The following SYNE1 variants were observed in gnomAD, a reference collection of about 807,000 sequenced individuals.
SYNE1 encodes the protein spectrin repeat containing nuclear envelope protein 1.
SYNE1 carries 616 observed loss-of-function variants against 1,111.0 expected under a neutral mutation model. The observed-to-expected ratio is 0.55, with a 90% CI of 0.52 to 0.59. SYNE1 has a LOEUF of 0.59. Ranked by LOEUF, SYNE1 falls within the 20% of genes least tolerant of loss-of-function variation. The pLI is 0.00. For synonymous variants in SYNE1, 3,855 were observed against 3,825.8 expected, an observed-to-expected ratio of 1.01 and a Z score of -0.28; for missense variants, 10,006 against 10,417.0, an observed-to-expected ratio of 0.96 and a Z score of 1.72.
At chr6:152,415,942 T>C (rs780866078) in intron 41 of SYNE1, among the ~76,000 whole-genome samples, 20 of 152,138 alleles carry the variant, frequency 1.3e-4, no homozygotes, top group Non-Finnish European at 2.5e-4. Context: ...AATATGAAAT[T>C]ACAGAAACAG....
At chr6:152,381,438 G>T in intron 55 of SYNE1, 76 bp from the exon 56 acceptor site, 4 of 1,472,946 alleles carry the variant, frequency 2.7e-6, no homozygotes, top group Non-Finnish European at 3.8e-6. Context: ...TGTGTACACA[G>T]GGGGACCCTG....
intron 93 of SYNE1, among the ~76,000 whole-genome samples, chr6:152,295,005 A>G (rs1309071645): frequency 6.6e-6 from 1 of 152,196 alleles, no homozygotes; most frequent in Non-Finnish European, 1.5e-5. Context: ...CCTGAGTCTT[A>G]TTGAGAATCA....
At chr6:152,487,581 G>T (rs555016947) in intron 12 of SYNE1, among the ~76,000 whole-genome samples, 27 of 152,190 alleles carry the variant, frequency 1.8e-4, no homozygotes, top group Non-Finnish European at 3.7e-4. Context: ...TAGTCAGACT[G>T]GAGAAAAACA....
intron 130 of SYNE1, among the ~76,000 whole-genome samples, chr6:152,171,682 G>A (rs1472733423): frequency 2.0e-5 from 3 of 152,130 alleles, no homozygotes; most frequent in East Asian, 1.9e-4. Context: ...AGTGAGGAAC[G>A]CTTGTGTACT....
chr6:152,186,430 C>T (rs1262030066), intron 128 of SYNE1, among the ~76,000 whole-genome samples: 1 of 151,632 alleles, frequency 6.6e-6, no homozygotes, highest in Non-Finnish European at 1.5e-5. Flanking sequence ...GTGGCACATG[C>T]CTGTAATCTC....
At chr6:152,137,511 T>C (rs757344200) in intron 140 of SYNE1, among the ~76,000 whole-genome samples, 4 of 152,198 alleles carry the variant, frequency 2.6e-5, no homozygotes, top group Non-Finnish European at 5.9e-5. Context: ...CCAGTTAGGT[T>C]TGATTTCACA....
chr6:152,395,725 T>C (rs868593737), intron 50 of SYNE1, 54 bp from the exon 51 acceptor site: 2 of 1,583,720 alleles, frequency 1.3e-6, no homozygotes, highest in African/African-American at 2.7e-5. Context: ...TATGATAAAT[T>C]ACTTTTAATA....
intron 16 of SYNE1, among the ~76,000 whole-genome samples, chr6:152,468,607 ATTCTCT>A (rs1231431217): frequency 6.6e-6 from 1 of 152,172 alleles, no homozygotes; most frequent in Non-Finnish European, 1.5e-5. Context: ...TTGGATGTAC[ATTCTCT>A]TTCTCTAACA....
At chr6:152,544,555 A>AG (rs5880982) in intron 3 of SYNE1, among the ~76,000 whole-genome samples, 29,507 of 151,328 alleles carry the variant, frequency 0.19, 3,043 homozygotes, top group Middle Eastern at 0.32. Flanking sequence ...AAAAAAAAAA[A>AG]GGGTTCTGGC....
At chr6:152,378,217 A>G (rs1032852915) in intron 56 of SYNE1, among the ~76,000 whole-genome samples, 1 of 152,216 alleles carries the variant, frequency 6.6e-6, no homozygotes, top group Non-Finnish European at 1.5e-5. Flanking sequence ...CAAAAAAACA[A>G]AATAAATTAA....
intron 3 of SYNE1, among the ~76,000 whole-genome samples, chr6:152,624,001 T>C (rs551899795): frequency 2.4e-4 from 37 of 152,302 alleles, no homozygotes; most frequent in African/African-American, 8.4e-4. Flanking sequence ...TTAAGGTTTT[T>C]ATTACTCATA....
Position 152,352,354 on chromosome 6 carries a change from C to G in SYNE1, c.11254-1G>C. 6.2e-7 allele frequency: 1 copy of G among 1,613,680 alleles called. No individual in the cohort carries two copies. Among genetic ancestry groups the G allele is most frequent in the Non-Finnish European group, 8.5e-7 (1 of 1,179,912 alleles). On this transcript the variant is annotated splice_acceptor_variant, in intron 69 of 145. Coordinates refer to ENST00000367255, the MANE Select transcript of SYNE1 (RefSeq NM_182961.4). LOFTEE classifies it high-confidence loss of function. ...CTTTCTCCATGTCTTTGAGCAAAAC[C>G]TGAAAAAGAGAGTGAGTAGGAGCAA...
In SYNE1 at chr6:152,344,242, T is replaced by A. The variant is rs767485805; in HGVS notation, c.12079-15A>T. The A allele has an allele frequency of 2.7e-5, 43 of 1,614,010 alleles. No individual in the cohort carries two copies. Among genetic ancestry groups the A allele is most frequent in the Non-Finnish European group, 3.3e-5 (39 of 1,180,014 alleles). The stretch of plus-strand genomic sequence containing the variant: ...CTCTGGTACATCTGAGACAATACAA[T>A]CATGCTGAGATTATGAGAACTGCTT... On this transcript the variant is annotated splice_polypyrimidine_tract_variant and intron_variant, in intron 73 of 145. Coordinates refer to ENST00000367255, the MANE Select transcript of SYNE1 (RefSeq NM_182961.4).
intron 3 of SYNE1, among the ~76,000 whole-genome samples, chr6:152,608,927 G>C (rs1244216869): frequency 2.4e-5 from 3 of 127,448 alleles, no homozygotes; most frequent in African/African-American, 9.3e-5. Context: ...GCGAGACTCT[G>C]TGGCAAAAAA....
intron 72 of SYNE1, among the ~76,000 whole-genome samples, chr6:152,348,978 T>A (rs2096692549): frequency 1.3e-5 from 2 of 152,222 alleles, no homozygotes; most frequent in Non-Finnish European, 2.9e-5. Context: ...TGGGGTAGAC[T>A]ACCTTCTGGA....
At chr6:152,313,336 A>T (rs1413917958) in intron 87 of SYNE1, among the ~76,000 whole-genome samples, 1 of 152,138 alleles carries the variant, frequency 6.6e-6, no homozygotes, top group East Asian at 1.9e-4. Context: ...TGTGACTAAG[A>T]ATGCCTGACG....
At chr6:152,436,837 T>C (rs2098478143) in intron 32 of SYNE1, among the ~76,000 whole-genome samples, 1 of 152,194 alleles carries the variant, frequency 6.6e-6, no homozygotes, top group Non-Finnish European at 1.5e-5. Flanking sequence ...GAAACATTTA[T>C]TTATTTAATG....
Position 152,281,969 on chromosome 6 carries a change from A to G in SYNE1, c.18219T>C (p.Asn6073=). Reference sequence around the variant, plus strand: ...CCTGCCTTTGTTCCTCCAGCTGATCATTCAACTTCTCCTGTTGAATTCAGT... The same window carrying G: ...CCTGCCTTTGTTCCTCCAGCTGATCGTTCAACTTCTCCTGTTGAATTCAGT... ...GKRQLLEEKL[N]DQLEEQRQEQ... The change falls in exon 97 of 146, where the codon AAT becomes AAC. Residue 6073 remains asparagine (N), a synonymous_variant. Coordinates refer to ENST00000367255, the MANE Select transcript of SYNE1 (RefSeq NM_182961.4). 1 of 1,614,010 alleles carries G rather than the reference A, an allele frequency of 6.2e-7. No individual in the cohort carries two copies. Among genetic ancestry groups the G allele is most frequent in the Non-Finnish European group, 8.5e-7 (1 of 1,180,036 alleles).
rs1464031164 is a variant in SYNE1 at position 152,444,490 on chromosome 6, T to G, written c.3758A>C (p.Lys1253Thr). Residue 1253 changes from lysine (K) to threonine (T), a missense_variant, in exon 30 of 146, where the codon AAA (lysine) becomes ACA (threonine). Lys to Thr is a moderately conservative substitution (Grantham distance 78). Coordinates refer to ENST00000367255, the MANE Select transcript of SYNE1 (RefSeq NM_182961.4). Reference sequence around the variant, plus strand: ...CTTCTCAGCTTGTTCCTGGACTTCTTTAGAGCCAGAAATTAATTCTTCGAG... The same window carrying G: ...CTTCTCAGCTTGTTCCTGGACTTCTGTAGAGCCAGAAATTAATTCTTCGAG... ...NSLEELISGS[K>T]EVQEQAEKIL... The G allele has an allele frequency of 6.2e-7, 1 of 1,613,898 alleles. No individual in the cohort carries two copies. Among genetic ancestry groups the G allele is most frequent in the Non-Finnish European group, 8.5e-7 (1 of 1,179,970 alleles).
Sources: gnomAD v4.1 joint callset for allele counts (sites outside exome capture counted in the v4.1 genomes callset) on GRCh38, gnomAD v4.1.1 for gene constraint, MANE v1.5 for transcripts, NCBI Gene and HGNC (gene_info 2026-07-23, HGNC 2026-07-21) for gene names.